The following PLCB1 variants were observed in gnomAD, a reference collection of about 807,000 sequenced individuals.
PLCB1 encodes the protein 1-phosphatidylinositol 4,5-bisphosphate phosphodiesterase beta-1.
Under a neutral mutation model 161.8 loss-of-function variants are expected in PLCB1, and 46 were observed. The observed-to-expected ratio is 0.28, with a 90% CI of 0.22 to 0.36. PLCB1 has a LOEUF of 0.36. Among genes scored for constraint, PLCB1 ranks in the 10% least tolerant of loss-of-function variants. The pLI is 1.00. For synonymous variants in PLCB1, 517 were observed against 503.7 expected (o/e 1.03, Z -0.35); for missense variants, 1,016 against 1,472.5 (o/e 0.69, Z 5.07).
intron 3 of PLCB1, among the ~76,000 whole-genome samples, chr20:8,609,664 A>T (rs965378732): frequency 1.3e-5 from 2 of 151,890 alleles, no homozygotes; most frequent in Admixed American, 6.6e-5. Context: ...TTTTTAAGAG[A>T]TGGGAGTCGT....
intron 2 of PLCB1, among the ~76,000 whole-genome samples, chr20:8,275,313 A>C (rs1333488241): frequency 1.3e-5 from 2 of 149,670 alleles, no homozygotes; most frequent in African/African-American, 4.9e-5. Context: ...AGGCTTCATT[A>C]GCTTTCTCAA....
At chr20:8,376,472 GATTGAT>G (rs1987084003) in intron 3 of PLCB1, among the ~76,000 whole-genome samples, 1 of 152,120 alleles carries the variant, frequency 6.6e-6, no homozygotes, top group African/African-American at 2.4e-5. Context: ...TTCATTGATT[GATTGAT>G]ATTCAATGAC....
At chr20:8,239,671 A>G (rs1031314530) in intron 2 of PLCB1, among the ~76,000 whole-genome samples, 1 of 151,818 alleles carries the variant, frequency 6.6e-6, no homozygotes, top group Non-Finnish European at 1.5e-5. Context: ...TAGGGTACTG[A>G]GTTTATTGGT....
chr20:8,876,661 C>T (rs1014086762), intron 31 of PLCB1, among the ~76,000 whole-genome samples: 5 of 152,210 alleles, frequency 3.3e-5, no homozygotes, highest in Non-Finnish European at 5.9e-5. Flanking sequence ...ACCAGGCTCA[C>T]CTGATCTCAG....
chr20:8,621,200 T>C (rs775884755), intron 3 of PLCB1, among the ~76,000 whole-genome samples: 1 of 152,090 alleles, frequency 6.6e-6, no homozygotes, highest in Non-Finnish European at 1.5e-5. Flanking sequence ...GGAAGGCACA[T>C]AGGATCCTAA....
At chr20:8,516,109 C>G (rs918772365) in intron 3 of PLCB1, among the ~76,000 whole-genome samples, 2 of 152,146 alleles carry the variant, frequency 1.3e-5, no homozygotes, top group Admixed American at 6.5e-5. Flanking sequence ...GACCCTCCCC[C>G]CTGATTCAGT....
intron 2 of PLCB1, among the ~76,000 whole-genome samples, chr20:8,324,485 T>C (rs1985064082): frequency 6.6e-6 from 1 of 152,168 alleles, no homozygotes; most frequent in Non-Finnish European, 1.5e-5. Flanking sequence ...GATTTATGTA[T>C]CATAAATAGC....
In PLCB1 at chr20:8,821,531, A is replaced by G. The variant is rs1405089666; in HGVS notation, c.3423+31270A>G. On this transcript the variant is annotated intron_variant, in intron 31 of 31. Transcript: ENST00000338037. ...TATATATATATATATATATATATAT[A>G]TATATATATATATATATATATATAT... Among the ~76,000 whole-genome samples the G allele has an allele frequency of 8.8e-5, 9 of 102,438 alleles. 1 individual carries two copies. The highest frequency in any genetic ancestry group is 4.3e-4 in the African/African-American group (7 of 16,122). The allele number at this position is 102,438 out of a possible 152,430, so 67.2% of individuals were successfully genotyped here.
intron 3 of PLCB1, among the ~76,000 whole-genome samples, chr20:8,457,404 C>T (rs1009107336): frequency 6.6e-6 from 1 of 152,004 alleles, no homozygotes; most frequent in Non-Finnish European, 1.5e-5. Flanking sequence ...AGTTGTGTGT[C>T]CTTAACATCT....
intron 9 of PLCB1, among the ~76,000 whole-genome samples, chr20:8,660,906 A>G (rs918372851): frequency 4.6e-5 from 7 of 152,120 alleles, no homozygotes; most frequent in African/African-American, 1.4e-4. Context: ...GCTGAGATCC[A>G]CCTCACTAGT....
intron 3 of PLCB1, among the ~76,000 whole-genome samples, chr20:8,373,209 T>C (rs901074127): frequency 7.2e-5 from 11 of 152,182 alleles, no homozygotes; most frequent in African/African-American, 2.7e-4. Context: ...GAGGGACTGA[T>C]TACTTCCTCT....
intron 31 of PLCB1, among the ~76,000 whole-genome samples, chr20:8,797,892 T>A (rs1003510504): frequency 2.2e-4 from 34 of 152,196 alleles, no homozygotes; most frequent in African/African-American, 8.0e-4. Context: ...GTTCTCTGGG[T>A]CTTTAAAGAT....
intron 31 of PLCB1, among the ~76,000 whole-genome samples, chr20:8,832,798 T>A (rs1986079328): frequency 6.6e-6 from 1 of 152,218 alleles, no homozygotes; most frequent in Non-Finnish European, 1.5e-5. Flanking sequence ...AAAACTTTAC[T>A]TATTAATTTG....
At chr20:8,679,409 G>A (rs1990162266) in intron 9 of PLCB1, among the ~76,000 whole-genome samples, 1 of 152,158 alleles carries the variant, frequency 6.6e-6, no homozygotes, top group African/African-American at 2.4e-5. Flanking sequence ...ATTGTTGCAA[G>A]GCCAATGGGA....
intron 10 of PLCB1, among the ~76,000 whole-genome samples, chr20:8,691,882 C>T (rs1159739260): frequency 6.6e-6 from 1 of 152,082 alleles, no homozygotes; most frequent in Admixed American, 6.5e-5. Flanking sequence ...ACCCTCAGTA[C>T]TGATTATGTT....
At chr20:8,207,011 T>C (rs939363590) in intron 2 of PLCB1, among the ~76,000 whole-genome samples, 6 of 94,734 alleles carry the variant, frequency 6.3e-5, no homozygotes, top group Admixed American at 1.8e-4. Flanking sequence ...CACTCTGATA[T>C]AAATATGTAA....
intron 2 of PLCB1, among the ~76,000 whole-genome samples, chr20:8,346,417 T>A (rs1185925712): frequency 6.6e-6 from 1 of 152,226 alleles, no homozygotes. Context: ...GTCATGAGAA[T>A]TAAATGCAGG....
chr20:8,498,546 C>G (rs1044033188), intron 3 of PLCB1, among the ~76,000 whole-genome samples: 1 of 152,178 alleles, frequency 6.6e-6, no homozygotes, highest in African/African-American at 2.4e-5. Context: ...AGGGCCCTGT[C>G]CCCTTGGGGA....
At chr20:8,388,222 C>T (rs997059014) in intron 3 of PLCB1, among the ~76,000 whole-genome samples, 3 of 151,980 alleles carry the variant, frequency 2.0e-5, no homozygotes, top group Admixed American at 6.6e-5. Flanking sequence ...TATATCATGA[C>T]CGTTTCCTGC....
Sources: gnomAD v4.1 joint callset for allele counts (sites outside exome capture counted in the v4.1 genomes callset) on GRCh38, gnomAD v4.1.1 for gene constraint, MANE v1.5 for transcripts, NCBI Gene and HGNC (gene_info 2026-07-23, HGNC 2026-07-21) for gene names.